Variants in HMGB1 observed in about 807,000 individuals in gnomAD.
HMGB1 encodes high mobility group protein B1.
For synonymous variants in HMGB1, 81 were observed against 84.0 expected (o/e 0.96, Z 0.19); for missense variants, 79 against 253.5 (o/e 0.31, Z 4.67).
chr13:30,528,461 C>T (rs760546135), intron 1 of HMGB1, among the ~76,000 whole-genome samples: 2 of 152,190 alleles, frequency 1.3e-5, no homozygotes, highest in Non-Finnish European at 2.9e-5. Context: ...CCGTATTGCG[C>T]TCCCTTGCTT....
At chr13:30,583,718 A>G (rs1360766755) in intron 1 of HMGB1, among the ~76,000 whole-genome samples, 1 of 151,108 alleles carries the variant, frequency 6.6e-6, no homozygotes, top group Non-Finnish European at 1.5e-5. Context: ...ATGCACCTGT[A>G]GTCTCAGGTA....
upstream of HMGB1, among the ~76,000 whole-genome samples, chr13:30,468,086 G>A (rs1886840565): frequency 1.3e-5 from 2 of 152,094 alleles, no homozygotes; most frequent in African/African-American, 4.8e-5. Flanking sequence ...TAAAATGGAG[G>A]GGACCACAGG....
At chr13:30,595,020 T>A (rs191972176) in intron 1 of HMGB1, among the ~76,000 whole-genome samples, 3 of 152,248 alleles carry the variant, frequency 2.0e-5, no homozygotes, top group South Asian at 2.1e-4. Flanking sequence ...GTTGTTTTTT[T>A]AACTTACATT....
chr13:30,543,117 GTTTTT>G (rs141061407), intron 1 of HMGB1: 16,727 of 84,242 alleles, frequency 0.2, 1,397 homozygotes, highest in Middle Eastern at 0.37. Context: ...CCTGTTCCAG[GTTTTT>G]TTTTTTTTTT....
At chr13:30,562,022 A>G (rs1869974657) in intron 1 of HMGB1, among the ~76,000 whole-genome samples, 1 of 152,184 alleles carries the variant, frequency 6.6e-6, no homozygotes, top group African/African-American at 2.4e-5. Context: ...TGTCTTATAC[A>G]GAAGTTGTGA....
intron 1 of HMGB1, among the ~76,000 whole-genome samples, chr13:30,573,050 T>C (rs1219512518): frequency 1.3e-5 from 2 of 152,210 alleles, no homozygotes; most frequent in Admixed American, 6.5e-5. Flanking sequence ...GTAACTTCCA[T>C]TAGATGTAGT....
rs11456814 is a variant in HMGB1, at chr13:30,523,738, G to GCC, written c.-14-60046_-14-60045dup. 1.0e-3 allele frequency among the ~76,000 whole-genome samples: 145 copies of GCC among 140,922 alleles called. 1 individual carries two copies. Among genetic ancestry groups the GCC allele is most frequent in the East Asian group, 1.7e-3 (8 of 4,840 alleles). The allele number at this position is 140,922 out of a possible 152,430, so 92.5% of individuals were successfully genotyped here. On this transcript the variant is annotated intron_variant, in intron 1 of 4. Coordinates refer to the HMGB1 transcript ENST00000405805. ...TTCATTTGGCATTTGTTTTTGTTGG[G>GCC]CCCTTTTTTTTTGTTTGTTTGAGAT...
intron 1 of HMGB1, among the ~76,000 whole-genome samples, chr13:30,589,806 G>T (rs1324676244): frequency 1.3e-5 from 2 of 151,838 alleles, no homozygotes; most frequent in African/African-American, 4.8e-5. Flanking sequence ...GGAGGCAGAG[G>T]TTGCCATGAG....
chr13:30,605,005 G>T (rs1405436924), intron 1 of HMGB1, among the ~76,000 whole-genome samples: 2 of 152,176 alleles, frequency 1.3e-5, no homozygotes, highest in Non-Finnish European at 2.9e-5. Flanking sequence ...GGGATTAAAT[G>T]TAAGGTATGA....
chr13:30,469,775 C>T (rs1011010222), upstream of HMGB1, among the ~76,000 whole-genome samples: 4 of 151,926 alleles, frequency 2.6e-5, no homozygotes, highest in South Asian at 2.1e-4. Flanking sequence ...TGACTACAGG[C>T]GCGTGCCACC....
At chr13:30,560,574 C>T (rs899261095) in intron 1 of HMGB1, among the ~76,000 whole-genome samples, 2 of 152,092 alleles carry the variant, frequency 1.3e-5, no homozygotes, top group African/African-American at 4.8e-5. Context: ...AAAGGTGTAA[C>T]GTTGCATGAA....
Position 30,463,689 on chromosome 13 carries a change from A to G in HMGB1, c.-9T>C. The G allele has an allele frequency of 1.3e-6, 2 of 1,533,600 alleles. No individual in the cohort carries two copies. Among genetic ancestry groups the G allele is most frequent in the Non-Finnish European group, 8.8e-7 (1 of 1,140,392 alleles). 95.0% of individuals were successfully genotyped at this position (1,533,600 alleles called of 1,614,324 possible). On this transcript the variant is annotated 5_prime_UTR_variant, in exon 2 of 5. Coordinates refer to ENST00000341423, the MANE Select transcript of HMGB1 (RefSeq NM_002128.7). ...GGATCTCCTTTGCCCATGTTTAGTT[A>G]TTTTTCTAAAAAATAAAATAAATAT...
intron 1 of HMGB1, among the ~76,000 whole-genome samples, chr13:30,518,625 G>C (rs1888153356): frequency 6.6e-6 from 1 of 152,052 alleles, no homozygotes; most frequent in Admixed American, 6.5e-5. Flanking sequence ...GTGCCAATGA[G>C]AAATGCTTGA....
chr13:30,518,377 AT>A (rs994566223), intron 1 of HMGB1, among the ~76,000 whole-genome samples: 4 of 152,048 alleles, frequency 2.6e-5, no homozygotes, highest in African/African-American at 9.7e-5. Flanking sequence ...GTCTTTTCCT[AT>A]TTCCCTTTGT....
At chr13:30,541,192 G>T (rs2137501727) in intron 1 of HMGB1, among the ~76,000 whole-genome samples, 1 of 152,244 alleles carries the variant, frequency 6.6e-6, no homozygotes, top group East Asian at 1.9e-4. Flanking sequence ...AAGCTAAGGG[G>T]CTGGAAAACG....
rs1329016387 is a variant in HMGB1, at chr13:30,460,461, G to C, written c.*896C>G. On this transcript the variant is annotated 3_prime_UTR_variant, in exon 5 of 5. Coordinates refer to ENST00000341423, the MANE Select transcript of HMGB1 (RefSeq NM_002128.7). ...TCACGCTTTTGGGGATACATTCTCAGGTCTTCTTTAATGTGGGAACTGCAA... is the reference window on the plus strand; with the variant it reads ...TCACGCTTTTGGGGATACATTCTCACGTCTTCTTTAATGTGGGAACTGCAA... 8 of 151,436 alleles carry C rather than the reference G, an allele frequency of 5.3e-5. No homozygotes were observed. The East Asian group carries it at 9.7e-4, about 18-fold the overall frequency. The allele number at this position is 151,436 out of a possible 1,614,324, so 9.4% of individuals were successfully genotyped here.
chr13:30,572,284 A>G (rs569333327), intron 1 of HMGB1, among the ~76,000 whole-genome samples: 14 of 152,304 alleles, frequency 9.2e-5, no homozygotes, highest in African/African-American at 3.4e-4. Flanking sequence ...CTCAGAGATA[A>G]AGTGTTCAAC....
At chr13:30,548,350 T>G (rs959228262) in intron 1 of HMGB1, among the ~76,000 whole-genome samples, 3 of 152,166 alleles carry the variant, frequency 2.0e-5, no homozygotes, top group Non-Finnish European at 4.4e-5. Flanking sequence ...GATTGTAAGT[T>G]TCCTGAGGCC....
At chr13:30,471,530 T>G (rs1159489002) in intron 1 of HMGB1, among the ~76,000 whole-genome samples, 1 of 149,994 alleles carries the variant, frequency 6.7e-6, no homozygotes, top group Non-Finnish European at 1.5e-5. Context: ...TTTTTTTGTA[T>G]TTTTAGTAGA....
Sources: allele counts gnomAD v4.1 joint callset (sites outside exome capture counted in the v4.1 genomes callset), GRCh38; gene constraint gnomAD v4.1.1; transcripts MANE v1.5; gene names NCBI Gene and HGNC (gene_info 2026-07-23, HGNC 2026-07-21).